TRDN: variants seen among roughly 807,000 people sequenced by gnomAD.
TRDN encodes the protein triadin.
Under a neutral mutation model 149.7 loss-of-function variants are expected in TRDN, and 161 were observed. The ratio of observed to expected loss-of-function variants is 1.08; its 90% CI spans 0.95 to 1.23. TRDN has a LOEUF of 1.23. Among genes scored for constraint, TRDN ranks in the 50% most tolerant of loss-of-function variants. The pLI, the probability that TRDN is intolerant of heterozygous loss-of-function variation, is 0.00. For missense variants in TRDN, 896 were observed against 823.5 expected, an observed-to-expected ratio of 1.09 and a Z score of -1.08; for synonymous variants, 294 against 250.5, an observed-to-expected ratio of 1.17 and a Z score of -1.64.
chr6:123,340,929 T>A (rs1265628317), intron 21 of TRDN, among the ~76,000 whole-genome samples: 1 of 152,074 alleles, frequency 6.6e-6, no homozygotes, highest in Non-Finnish European at 1.5e-5. Context: ...AGTTATTTAA[T>A]AGTGATTAAT....
chr6:123,626,911 ATTATTTTATT>A (rs555180710), intron 1 of TRDN, among the ~76,000 whole-genome samples: 84 of 150,896 alleles, frequency 5.6e-4, no homozygotes, highest in Non-Finnish European at 9.7e-4. Context: ...TTAATTTTTT[ATTATTTTATT>A]TTATTTTATT....
chr6:123,293,054 A>G (rs1006480611), intron 24 of TRDN, among the ~76,000 whole-genome samples: 3 of 152,238 alleles, frequency 2.0e-5, no homozygotes, highest in Middle Eastern at 3.4e-3. Flanking sequence ...ACATAACTCT[A>G]TAGTAAATAT....
At chr6:123,463,222 A>G (rs1405523027) in intron 10 of TRDN, 1 of 151,834 alleles carries the variant, frequency 6.6e-6, no homozygotes, top group Admixed American at 6.6e-5. Context: ...CTGTAGTCCC[A>G]GCTACTCGGG....
intron 1 of TRDN, among the ~76,000 whole-genome samples, chr6:123,586,675 T>C (rs536571308): frequency 6.6e-4 from 100 of 152,056 alleles, no homozygotes; most frequent in African/African-American, 2.3e-3. Flanking sequence ...GATTTTAGGT[T>C]AGATGAGAGT....
intron 12 of TRDN, among the ~76,000 whole-genome samples, chr6:123,395,819 A>C (rs758156820): frequency 2.6e-5 from 4 of 152,188 alleles, no homozygotes; most frequent in Non-Finnish European, 5.9e-5. Context: ...TTTAAGCTTT[A>C]AAGTTCATTT....
At chr6:123,407,009 C>T (rs1314975560) in intron 12 of TRDN, among the ~76,000 whole-genome samples, 1 of 151,826 alleles carries the variant, frequency 6.6e-6, no homozygotes, top group Non-Finnish European at 1.5e-5. Flanking sequence ...AGGGTGCTTG[C>T]TGAGAGGGCC....
At chr6:123,630,070 G>T (rs181605966) in intron 1 of TRDN, among the ~76,000 whole-genome samples, 1 of 152,040 alleles carries the variant, frequency 6.6e-6, no homozygotes, top group Non-Finnish European at 1.5e-5. Context: ...AATCTTCCTA[G>T]AACTTTAAGT....
intron 1 of TRDN, among the ~76,000 whole-genome samples, chr6:123,586,704 T>G: frequency 6.6e-6 from 1 of 151,988 alleles, no homozygotes; most frequent in Non-Finnish European, 1.5e-5. Context: ...TTTTAAGTTC[T>G]TAAGAACACA....
intron 12 of TRDN, among the ~76,000 whole-genome samples, chr6:123,405,580 A>C (rs1310970250): frequency 6.6e-6 from 1 of 152,206 alleles, no homozygotes; most frequent in Non-Finnish European, 1.5e-5. Flanking sequence ...AGGCAAACAC[A>C]ATTGGTTTCT....
At chr6:123,378,436 T>C (rs540710411) in intron 16 of TRDN, among the ~76,000 whole-genome samples, 7 of 149,402 alleles carry the variant, frequency 4.7e-5, no homozygotes, top group East Asian at 4.0e-4. Flanking sequence ...CACACCACCA[T>C]GTGTAGCCAG....
In TRDN at chr6:123,605,228, ATAAT is replaced by A. The variant is rs1162443029; in HGVS notation, c.22+31522_22+31525del. On this transcript the variant is annotated intron_variant, in intron 1 of 40. Transcript: ENST00000334268. The stretch of plus-strand genomic sequence containing the variant: ...AAATAAATATTTTAATAATTATTTA[ATAAT>A]TATTATTTCCATCAAATAATTATTT... Among the ~76,000 whole-genome samples the A allele has an allele frequency of 6.1e-5, 8 of 130,492 alleles. No individual in the cohort carries two copies. The East Asian group carries it at 7.6e-4, about 12-fold the overall frequency. The allele number at this position is 130,492 out of a possible 152,430, so 85.6% of individuals were successfully genotyped here. A position where few individuals can be genotyped will look rare whatever the true frequency, so the allele number is the denominator to read the frequency against.
intron 1 of TRDN, among the ~76,000 whole-genome samples, chr6:123,610,348 C>T (rs919340624): frequency 2.0e-5 from 3 of 152,154 alleles, no homozygotes; most frequent in African/African-American, 4.8e-5. Context: ...GCCTCTATTG[C>T]TTCCTGATGC....
intron 1 of TRDN, among the ~76,000 whole-genome samples, chr6:123,597,893 A>G (rs1476718617): frequency 6.6e-6 from 1 of 152,116 alleles, no homozygotes; most frequent in African/African-American, 2.4e-5. Context: ...TAATGAGATA[A>G]TGGCTTTATT....
intron 9 of TRDN, among the ~76,000 whole-genome samples, chr6:123,467,681 T>C (rs1442506298): frequency 6.6e-6 from 1 of 152,224 alleles, no homozygotes; most frequent in African/African-American, 2.4e-5. Flanking sequence ...TACTTGAACA[T>C]GACACACGAC....
intron 5 of TRDN, 24 bp downstream of exon 5, chr6:123,530,482 A>C (rs1349755224): frequency 1.7e-6 from 2 of 1,193,386 alleles, no homozygotes; most frequent in South Asian, 1.8e-5. Context: ...TAAATGAAGA[A>C]TAAACATAAA....
intron 21 of TRDN, chr6:123,349,502 T>C: frequency 2.2e-6 from 2 of 896,926 alleles, no homozygotes; most frequent in Non-Finnish European, 2.7e-6. Context: ...TTAACATTTA[T>C]TGAGGGTCAA....
chr6:123,506,299 T>C (rs1159881971), intron 7 of TRDN, among the ~76,000 whole-genome samples: 2 of 152,144 alleles, frequency 1.3e-5, no homozygotes, highest in Non-Finnish European at 2.9e-5. Flanking sequence ...AACCGTGCAA[T>C]ATCTGGCTTC....
intron 24 of TRDN, among the ~76,000 whole-genome samples, chr6:123,302,272 A>T (rs188465625): frequency 6.6e-6 from 1 of 152,168 alleles, no homozygotes; most frequent in African/African-American, 2.4e-5. Flanking sequence ...TAAGTCATTC[A>T]CCCATTATGT....
intron 5 of TRDN, among the ~76,000 whole-genome samples, chr6:123,528,394 A>G (rs1281112498): frequency 6.6e-6 from 1 of 151,844 alleles, no homozygotes; most frequent in East Asian, 1.9e-4. Flanking sequence ...AGGGGAAAAA[A>G]ACTATAGAGA....
Sources: allele counts gnomAD v4.1 joint callset (sites outside exome capture counted in the v4.1 genomes callset), GRCh38; gene constraint gnomAD v4.1.1; transcripts MANE v1.5; gene names NCBI Gene and HGNC (gene_info 2026-07-23, HGNC 2026-07-21).